Variants in GPC6 observed in about 807,000 individuals in gnomAD.
GPC6 encodes glypican-6.
GPC6 carries 14 observed loss-of-function variants against 55.2 expected under a neutral mutation model. The ratio of observed to expected loss-of-function variants is 0.25; its 90% CI spans 0.17 to 0.40. The LOEUF is 0.40. GPC6 is among the 10% of genes least tolerant of loss of function. GPC6 has a pLI of 1.00. For missense variants in GPC6, 641 were observed against 708.5 expected, an observed-to-expected ratio of 0.90 and a Z score of 1.08; for synonymous variants, 278 against 259.6, an observed-to-expected ratio of 1.07 and a Z score of -0.68.
rs146639407 is a variant in GPC6, at chr13:93,662,703, A to G, written c.319+117282A>G. 2.1e-3 allele frequency among the ~76,000 whole-genome samples: 316 copies of G among 152,244 alleles called. 1 individual carries two copies. Among genetic ancestry groups the G allele is most frequent in the African/African-American group, 7.3e-3 (304 of 41,556 alleles). Reference sequence around the variant, plus strand: ...AAGTTAAACTTTAAATTGAAATGCTAGTTTGGGTATATTTTCCACCAAGCA... The same window carrying G: ...AAGTTAAACTTTAAATTGAAATGCTGGTTTGGGTATATTTTCCACCAAGCA... On this transcript the variant is annotated intron_variant, in intron 2 of 8. Coordinates refer to ENST00000377047, the MANE Select transcript of GPC6 (RefSeq NM_005708.5).
At chr13:94,081,291 T>C (rs1885087270) in intron 4 of GPC6, among the ~76,000 whole-genome samples, 1 of 152,222 alleles carries the variant, frequency 6.6e-6, no homozygotes, top group Admixed American at 6.5e-5. Context: ...ACTACCACCA[T>C]TTAATTGTCA....
intron 3 of GPC6, among the ~76,000 whole-genome samples, chr13:93,988,893 A>G (rs1003464579): frequency 2.0e-5 from 3 of 152,158 alleles, no homozygotes; most frequent in Non-Finnish European, 4.4e-5. Context: ...GTAAAAATAA[A>G]TTGATAGAGA....
At chr13:93,525,254 A>G (rs1375667247) in intron 1 of GPC6, among the ~76,000 whole-genome samples, 1 of 152,124 alleles carries the variant, frequency 6.6e-6, no homozygotes, top group African/African-American at 2.4e-5. Flanking sequence ...TTTGCACAGC[A>G]AAGTGATGAA....
chr13:93,647,928 A>G (rs914557153), intron 2 of GPC6, among the ~76,000 whole-genome samples: 1 of 152,014 alleles, frequency 6.6e-6, no homozygotes, highest in Non-Finnish European at 1.5e-5. Flanking sequence ...GTCACCTCTA[A>G]CCAGGGGTAT....
intron 1 of GPC6, among the ~76,000 whole-genome samples, chr13:93,322,431 C>CTTTTTTTTTTTTTTTTTTT (rs71272281): frequency 2.9e-4 from 28 of 96,770 alleles, no homozygotes; most frequent in East Asian, 1.1e-3. Flanking sequence ...TTTCTTTCTT[C>CTTTTTTTTTTTTTTTTTTT]TTTTTTTTTT....
chr13:94,013,222 A>G (rs1183647641), intron 3 of GPC6, among the ~76,000 whole-genome samples: 2 of 151,242 alleles, frequency 1.3e-5, no homozygotes, highest in South Asian at 2.1e-4. Flanking sequence ...GTGTATGTAT[A>G]TATATATATA....
At position 94,403,880 on chromosome 13, in the gene GPC6, T is replaced by G. The variant is rs1881260180; in HGVS notation, c.*663T>G. 6.3e-6 allele frequency: 1 copy of G among 157,790 alleles called. No individual in the cohort carries two copies. Among genetic ancestry groups the G allele is most frequent in the Non-Finnish European group, 1.4e-5 (1 of 71,232 alleles). The allele number at this position is 157,790 out of a possible 1,614,324, so 9.8% of individuals were successfully genotyped here. On this transcript the variant is annotated 3_prime_UTR_variant, in exon 9 of 9. Coordinates refer to ENST00000377047, the MANE Select transcript of GPC6 (RefSeq NM_005708.5). ...ACTAAATTTGGAATCCCGTCTTTAA[T>G]ATGAGAACACAAATTACTACAACTC...
chr13:93,753,305 C>T (rs1275825869), intron 2 of GPC6, among the ~76,000 whole-genome samples: 13 of 152,214 alleles, frequency 8.5e-5, no homozygotes, highest in South Asian at 2.1e-4. Context: ...AGCTTTTCCT[C>T]GGCATGTGCG....
chr13:94,299,005 A>C (rs2139102458), intron 5 of GPC6, among the ~76,000 whole-genome samples: 1 of 152,294 alleles, frequency 6.6e-6, no homozygotes, highest in African/African-American at 2.4e-5. Context: ...TGTTTGCAAA[A>C]GGGGACGATT....
At chr13:93,737,196 T>G (rs938132685) in intron 2 of GPC6, among the ~76,000 whole-genome samples, 3 of 152,190 alleles carry the variant, frequency 2.0e-5, no homozygotes, top group Non-Finnish European at 4.4e-5. Flanking sequence ...AACAACTATT[T>G]GTAGAAACTA....
chr13:94,142,521 T>C (rs1442678604), intron 4 of GPC6, among the ~76,000 whole-genome samples: 3 of 152,186 alleles, frequency 2.0e-5, no homozygotes, highest in Non-Finnish European at 4.4e-5. Flanking sequence ...TTTCCTTTTT[T>C]AAAAACAGTT....
intron 4 of GPC6, among the ~76,000 whole-genome samples, chr13:94,170,089 G>A (rs1161141548): frequency 6.6e-6 from 1 of 152,064 alleles, no homozygotes; most frequent in East Asian, 1.9e-4. Context: ...GCTAATTTCT[G>A]GAAACTAGAA....
At chr13:94,114,858 A>G (rs1295074677) in intron 4 of GPC6, among the ~76,000 whole-genome samples, 4 of 152,122 alleles carry the variant, frequency 2.6e-5, no homozygotes, top group Non-Finnish European at 5.9e-5. Flanking sequence ...ATAATTCTAA[A>G]TGGTAGTACT....
chr13:93,593,331 G>A (rs908969488), intron 2 of GPC6, among the ~76,000 whole-genome samples: 2 of 152,072 alleles, frequency 1.3e-5, no homozygotes, highest in African/African-American at 4.8e-5. Context: ...AGAATACACA[G>A]CAGATATTTG....
intron 6 of GPC6, among the ~76,000 whole-genome samples, chr13:94,332,220 A>G (rs1396898934): frequency 6.6e-6 from 1 of 152,098 alleles, no homozygotes; most frequent in African/African-American, 2.4e-5. Flanking sequence ...GTTTCTTCCA[A>G]TAAGTGCTTA....
At chr13:93,481,799 T>C (rs1879532392) in intron 1 of GPC6, among the ~76,000 whole-genome samples, 1 of 152,208 alleles carries the variant, frequency 6.6e-6, no homozygotes, top group African/African-American at 2.4e-5. Flanking sequence ...ATGCTAGTAG[T>C]ACAGTGCCTT....
At chr13:94,024,747 C>A (rs960419301) in intron 3 of GPC6, among the ~76,000 whole-genome samples, 5 of 152,034 alleles carry the variant, frequency 3.3e-5, no homozygotes, top group African/African-American at 1.2e-4. Flanking sequence ...CTGGTTCCAA[C>A]ACAATGAAAA....
chr13:94,292,991 C>T (rs890338033), intron 5 of GPC6, among the ~76,000 whole-genome samples: 15 of 152,116 alleles, frequency 9.9e-5, no homozygotes, highest in Admixed American at 5.2e-4. Flanking sequence ...AATAACATGA[C>T]GCTCATTTCA....
chr13:94,299,173 C>T (rs568255904), intron 5 of GPC6, among the ~76,000 whole-genome samples: 8 of 152,122 alleles, frequency 5.3e-5, no homozygotes, highest in East Asian at 1.9e-4. Flanking sequence ...GGTAATTCTG[C>T]GTAATCCTTA....
Sources: allele counts gnomAD v4.1 joint callset (sites outside exome capture counted in the v4.1 genomes callset), GRCh38; gene constraint gnomAD v4.1.1; transcripts MANE v1.5; gene names NCBI Gene and HGNC (gene_info 2026-07-23, HGNC 2026-07-21).